The following DPYD variants were observed in gnomAD, a reference collection of about 807,000 sequenced individuals.
DPYD encodes dihydropyrimidine dehydrogenase [NADP(+)].
DPYD carries 109 observed loss-of-function variants against 116.2 expected under a neutral mutation model. That is an observed-to-expected ratio of 0.94 (90% CI 0.80 to 1.10). DPYD has a LOEUF of 1.10. Among genes scored for constraint, DPYD ranks in the 50% least tolerant of loss-of-function variants. The probability of loss-of-function intolerance (pLI) is 0.00; values close to 1 mark genes in which losing one functional copy is unlikely to be tolerated. For missense variants in DPYD, 1,302 were observed against 1,254.5 expected (o/e 1.04, Z -0.57); for synonymous variants, 440 against 432.0 (o/e 1.02, Z -0.23).
At chr1:97,309,345 G>GTT (rs1257888460) in intron 16 of DPYD, among the ~76,000 whole-genome samples, 3 of 151,126 alleles carry the variant, frequency 2.0e-5, no homozygotes, top group African/African-American at 7.3e-5. Context: ...GTGTGTGTGT[G>GTT]TGTGTGTGTG....
intron 14 of DPYD, among the ~76,000 whole-genome samples, chr1:97,414,370 G>T (rs6693628): frequency 0.17 from 25,110 of 152,164 alleles, 2,321 homozygotes; most frequent in East Asian, 0.38. Flanking sequence ...ATGCTGTGAA[G>T]CTCAGTAATA....
At chr1:97,138,051 C>A (rs1436966404) in intron 20 of DPYD, among the ~76,000 whole-genome samples, 1 of 152,056 alleles carries the variant, frequency 6.6e-6, no homozygotes, top group Admixed American at 6.6e-5. Context: ...CTTTCACAGG[C>A]TTTTTTCAGT....
At chr1:97,425,703 C>T (rs1387544448) in intron 14 of DPYD, among the ~76,000 whole-genome samples, 3 of 152,016 alleles carry the variant, frequency 2.0e-5, no homozygotes, top group Non-Finnish European at 2.9e-5. Context: ...AGACTTTGTC[C>T]AATCATGCTA....
At chr1:97,301,647 TTGAAAAATGC>T (rs1404367515) in intron 18 of DPYD, among the ~76,000 whole-genome samples, 1 of 151,914 alleles carries the variant, frequency 6.6e-6, no homozygotes, top group Non-Finnish European at 1.5e-5. Context: ...ATTCACCCCA[TTGAAAAATGC>T]TTGAATACTG....
intron 20 of DPYD, among the ~76,000 whole-genome samples, chr1:97,164,730 A>T (rs2101752825): frequency 6.6e-6 from 1 of 152,316 alleles, no homozygotes; most frequent in Admixed American, 6.5e-5. Flanking sequence ...GACGTGAAAG[A>T]TCGCTACAAT....
chr1:97,278,182 GTTTC>G (rs1363439103), intron 18 of DPYD, among the ~76,000 whole-genome samples: 9 of 152,234 alleles, frequency 5.9e-5, no homozygotes, highest in African/African-American at 2.2e-4. Context: ...ATTCTAAAAT[GTTTC>G]TTTCTGTCTT....
intron 8 of DPYD, among the ~76,000 whole-genome samples, chr1:97,631,397 G>A (rs1377033869): frequency 6.6e-6 from 1 of 152,050 alleles, no homozygotes; most frequent in Non-Finnish European, 1.5e-5. Context: ...CTTATTAAGG[G>A]TGAAATGTCA....
chr1:97,596,867 T>C (rs1226105407), intron 8 of DPYD, among the ~76,000 whole-genome samples: 1 of 152,216 alleles, frequency 6.6e-6, no homozygotes, highest in Non-Finnish European at 1.5e-5. Flanking sequence ...TAAAAGAACT[T>C]TTGCTTTCAA....
intron 8 of DPYD, among the ~76,000 whole-genome samples, chr1:97,653,158 G>C (rs1285836096): frequency 2.6e-5 from 4 of 152,112 alleles, no homozygotes; most frequent in African/African-American, 4.8e-5. Context: ...TCTGGGAAGA[G>C]AGTATGCCTA....
intron 8 of DPYD, among the ~76,000 whole-genome samples, chr1:97,653,303 C>CTT (rs753813558): frequency 7.8e-5 from 11 of 140,168 alleles, no homozygotes; most frequent in South Asian, 2.3e-4. Context: ...TTTCTTTCTC[C>CTT]TTTTTTTTTT....
chr1:97,886,949 G>A (rs575233885), intron 1 of DPYD, among the ~76,000 whole-genome samples: 1 of 151,772 alleles, frequency 6.6e-6, no homozygotes, highest in African/African-American at 2.4e-5. Context: ...TCACACTGTG[G>A]AACAACTCAT....
intron 7 of DPYD, among the ~76,000 whole-genome samples, chr1:97,681,754 T>C (rs2100923821): frequency 6.6e-6 from 1 of 152,260 alleles, no homozygotes; most frequent in African/African-American, 2.4e-5. Context: ...GTTTTATGAA[T>C]CAAATACCCT....
chr1:97,565,726 T>C (rs533935243), intron 11 of DPYD, among the ~76,000 whole-genome samples: 1 of 152,302 alleles, frequency 6.6e-6, no homozygotes, highest in East Asian at 1.9e-4. Flanking sequence ...TATAGGTCCC[T>C]GAAGGGCAAT....
chr1:97,636,883 A>T (rs940275706), intron 8 of DPYD, among the ~76,000 whole-genome samples: 2 of 152,166 alleles, frequency 1.3e-5, no homozygotes, highest in African/African-American at 4.8e-5. Flanking sequence ...ACCCAGGGTC[A>T]GTAAGAAATC....
At chr1:97,343,276 A>T (rs1669672086) in intron 16 of DPYD, among the ~76,000 whole-genome samples, 1 of 152,130 alleles carries the variant, frequency 6.6e-6, no homozygotes, top group South Asian at 2.1e-4. Flanking sequence ...ATTGTCACAA[A>T]CAAAGGTTAA....
chr1:97,819,019 G>A (rs548902086), intron 3 of DPYD, among the ~76,000 whole-genome samples: 7 of 151,830 alleles, frequency 4.6e-5, no homozygotes, highest in Non-Finnish European at 8.8e-5. Flanking sequence ...TAGGGCAGGT[G>A]CATGATTATG....
At chr1:97,331,296 C>T (rs1668984445) in intron 16 of DPYD, among the ~76,000 whole-genome samples, 1 of 152,002 alleles carries the variant, frequency 6.6e-6, no homozygotes, top group African/African-American at 2.4e-5. Context: ...TAACAAAGAC[C>T]TCTTCTCTAC....
At chr1:97,804,856 C>G (rs996391228) in intron 3 of DPYD, among the ~76,000 whole-genome samples, 2 of 151,778 alleles carry the variant, frequency 1.3e-5, no homozygotes, top group African/African-American at 4.8e-5. Context: ...TATTATTTAA[C>G]TAGACCAATT....
chr1:97,384,528 G>T (rs954374488), intron 14 of DPYD, among the ~76,000 whole-genome samples: 11 of 152,104 alleles, frequency 7.2e-5, no homozygotes, highest in African/African-American at 2.2e-4. Context: ...GGAGCAAGGG[G>T]TTGCATTATC....
Sources: allele counts gnomAD v4.1 joint callset (sites outside exome capture counted in the v4.1 genomes callset), GRCh38; gene constraint gnomAD v4.1.1; transcripts MANE v1.5; gene names NCBI Gene and HGNC (gene_info 2026-07-23, HGNC 2026-07-21).